The following ST8SIA6 variants were observed in gnomAD, a reference collection of about 807,000 sequenced individuals.
ST8SIA6 encodes the protein ST8 alpha-N-acetyl-neuraminide alpha-2,8-sialyltransferase 6.
A neutral mutation model predicts 33.6 loss-of-function variants in ST8SIA6; 39 were observed. The ratio of observed to expected loss-of-function variants is 1.16; its 90% confidence interval spans 0.90 to 1.52. ST8SIA6 has a LOEUF of 1.52. Ranked by LOEUF, ST8SIA6 falls within the 40% of genes most tolerant of loss-of-function variation. The pLI, the probability that ST8SIA6 is intolerant of heterozygous loss-of-function variation, is 0.00. For synonymous variants in ST8SIA6, 172 were observed against 167.2 expected, an observed-to-expected ratio of 1.03 and a Z score of -0.22; for missense variants, 441 against 443.8, an observed-to-expected ratio of 0.99 and a Z score of 0.06.
chr10:17,395,728 T>C (rs949925184), intron 2 of ST8SIA6, among the ~76,000 whole-genome samples: 9 of 151,784 alleles, frequency 5.9e-5, no homozygotes, highest in African/African-American at 2.2e-4. Flanking sequence ...ACTTAAAATA[T>C]AAAAATTAGT....
chr10:17,437,603 C>T (rs1852313505), intron 2 of ST8SIA6, among the ~76,000 whole-genome samples: 2 of 145,786 alleles, frequency 1.4e-5, no homozygotes, highest in African/African-American at 5.2e-5. Context: ...GCCCCTTGGA[C>T]CCCCTGTTTC....
intron 4 of ST8SIA6, among the ~76,000 whole-genome samples, chr10:17,356,522 G>T (rs1317895938): frequency 6.6e-6 from 1 of 151,654 alleles, no homozygotes; most frequent in Non-Finnish European, 1.5e-5. Flanking sequence ...TGAGTACCTG[G>T]GATTACAAGT....
intron 2 of ST8SIA6, among the ~76,000 whole-genome samples, chr10:17,415,234 C>G (rs1424625161): frequency 6.6e-6 from 1 of 152,122 alleles, no homozygotes; most frequent in East Asian, 1.9e-4. Flanking sequence ...AAAATGAAAG[C>G]CCAAAATATG....
chr10:17,416,500 C>A (rs572424616), intron 2 of ST8SIA6, among the ~76,000 whole-genome samples: 2 of 152,158 alleles, frequency 1.3e-5, no homozygotes, highest in African/African-American at 2.4e-5. Context: ...GTAGCATATC[C>A]AAAACATAAC....
chr10:17,359,093 A>C (rs139138872), intron 4 of ST8SIA6, among the ~76,000 whole-genome samples: 1 of 152,310 alleles, frequency 6.6e-6, no homozygotes, highest in Non-Finnish European at 1.5e-5. Context: ...ACTTGTGTTA[A>C]AAAGTGAATG....
chr10:17,363,788 A>C (rs993707099), intron 3 of ST8SIA6, among the ~76,000 whole-genome samples: 2 of 152,134 alleles, frequency 1.3e-5, no homozygotes, highest in African/African-American at 4.8e-5. Context: ...CCCTCCACCC[A>C]AGCTGATAGT....
chr10:17,379,548 C>T (rs1301014375), intron 3 of ST8SIA6, among the ~76,000 whole-genome samples: 4 of 152,190 alleles, frequency 2.6e-5, no homozygotes, highest in Non-Finnish European at 5.9e-5. Flanking sequence ...AAGATAGATG[C>T]ATATCTGATT....
intron 6 of ST8SIA6, among the ~76,000 whole-genome samples, chr10:17,325,715 C>T (rs1227828102): frequency 6.6e-6 from 1 of 152,050 alleles, no homozygotes; most frequent in African/African-American, 2.4e-5. Context: ...ACGTCTAGCC[C>T]TCATTTTGCC....
At chr10:17,392,487 C>A (rs557953250) in intron 2 of ST8SIA6, among the ~76,000 whole-genome samples, 3 of 152,134 alleles carry the variant, frequency 2.0e-5, no homozygotes, top group African/African-American at 7.2e-5. Flanking sequence ...GATCGGGCCA[C>A]TGCACTCCAG....
chr10:17,371,782 T>TAAAAAAA (rs202019274), intron 3 of ST8SIA6, among the ~76,000 whole-genome samples: 33 of 89,440 alleles, frequency 3.7e-4, no homozygotes, highest in African/African-American at 7.9e-4. Context: ...CAAGACTCCA[T>TAAAAAAA]TAAAAAAAAA....
intron 4 of ST8SIA6, among the ~76,000 whole-genome samples, chr10:17,357,173 C>CA (rs1333264623): frequency 6.6e-6 from 1 of 151,440 alleles, no homozygotes; most frequent in African/African-American, 2.4e-5. Context: ...TCTGTCATGT[C>CA]ACCCAGGCTA....
intron 2 of ST8SIA6, among the ~76,000 whole-genome samples, chr10:17,442,046 T>C (rs190984546): frequency 1.3e-5 from 2 of 152,168 alleles, no homozygotes; most frequent in East Asian, 3.9e-4. Context: ...TTTTTGTATT[T>C]TTAGTAGAGA....
chr10:17,408,608 C>T (rs908468275), intron 2 of ST8SIA6, among the ~76,000 whole-genome samples: 4 of 151,190 alleles, frequency 2.6e-5, no homozygotes, highest in African/African-American at 7.3e-5. Context: ...TGCAGTGAGC[C>T]GCGATGGTGC....
intron 3 of ST8SIA6, among the ~76,000 whole-genome samples, chr10:17,386,273 C>T (rs1341072641): frequency 6.6e-6 from 1 of 151,934 alleles, no homozygotes; most frequent in Non-Finnish European, 1.5e-5. Flanking sequence ...GGGCAGATCA[C>T]AAGGTCAGGA....
At chr10:17,348,939 T>C (rs1848942262) in intron 4 of ST8SIA6, among the ~76,000 whole-genome samples, 1 of 152,186 alleles carries the variant, frequency 6.6e-6, no homozygotes, top group African/African-American at 2.4e-5. Flanking sequence ...CTCTTGGCTC[T>C]GCCTGTACTC....
intron 5 of ST8SIA6, among the ~76,000 whole-genome samples, chr10:17,329,045 A>G (rs1250163595): frequency 6.6e-6 from 1 of 152,190 alleles, no homozygotes; most frequent in African/African-American, 2.4e-5. Context: ...CCGGAGTGAC[A>G]GAAGATGCCC....
chr10:17,380,376 C>T (rs1564432873), intron 3 of ST8SIA6, among the ~76,000 whole-genome samples: 1 of 152,164 alleles, frequency 6.6e-6, no homozygotes, highest in Non-Finnish European at 1.5e-5. Flanking sequence ...ACTTACAGCA[C>T]TCAGAAATCA....
intron 2 of ST8SIA6, chr10:17,399,179 A>T (rs1226675278): frequency 6.6e-6 from 1 of 152,210 alleles, no homozygotes; most frequent in Non-Finnish European, 1.5e-5. Flanking sequence ...TTCGTCCTTC[A>T]CCTGATATCT....
chr10:17,385,078 T>C (rs1171187451), intron 3 of ST8SIA6, among the ~76,000 whole-genome samples: 4 of 152,144 alleles, frequency 2.6e-5, no homozygotes, highest in African/African-American at 9.7e-5. Flanking sequence ...AAGGGTGAAA[T>C]GTGAAAGGAA....
Sources: gnomAD v4.1 joint callset for allele counts (sites outside exome capture counted in the v4.1 genomes callset) on GRCh38, gnomAD v4.1.1 for gene constraint, MANE v1.5 for transcripts, NCBI Gene and HGNC (gene_info 2026-07-23, HGNC 2026-07-21) for gene names.